GABPB1: variants seen among roughly 807,000 people sequenced by gnomAD.
The protein encoded by GABPB1 is GA binding protein transcription factor subunit beta 1, also known as GA-binding protein subunit beta-1.
A neutral mutation model predicts 45.9 loss-of-function variants in GABPB1; 15 were observed. The observed-to-expected ratio is 0.33, with a 90% confidence interval of 0.22 to 0.50. The LOEUF is 0.50. Among genes scored for constraint, GABPB1 ranks in the 20% least tolerant of loss-of-function variants. The pLI is 0.98. For missense variants in GABPB1, 252 were observed against 457.5 expected (o/e 0.55, Z 4.10); for synonymous variants, 143 against 154.4 (o/e 0.93, Z 0.55).
intron 2 of GABPB1, among the ~76,000 whole-genome samples, chr15:50,309,234 C>A (rs1045715908): frequency 1.3e-5 from 2 of 152,046 alleles, no homozygotes; most frequent in Non-Finnish European, 2.9e-5. Context: ...TTGTCAAGAT[C>A]TCATTCCCAT....
intron 1 of GABPB1, among the ~76,000 whole-genome samples, chr15:50,328,025 G>GAA (rs576183652): frequency 7.0e-6 from 1 of 141,862 alleles, no homozygotes; most frequent in African/African-American, 2.6e-5. Context: ...ATTGTAACAG[G>GAA]AAAAAAAAAA....
At chr15:50,342,635 C>T (rs2048418339) in intron 1 of GABPB1, among the ~76,000 whole-genome samples, 2 of 152,110 alleles carry the variant, frequency 1.3e-5, no homozygotes, top group Non-Finnish European at 2.9e-5. Flanking sequence ...TGGTCATGAC[C>T]TATTAACAGA....
At chr15:50,323,912 T>TA (rs949475770) in intron 1 of GABPB1, among the ~76,000 whole-genome samples, 3 of 151,928 alleles carry the variant, frequency 2.0e-5, no homozygotes, top group Non-Finnish European at 4.4e-5. Flanking sequence ...AATTTAAATT[T>TA]AAAAAAATGG....
At chr15:50,283,600 T>G (rs1171628587) in intron 8 of GABPB1, among the ~76,000 whole-genome samples, 1 of 151,670 alleles carries the variant, frequency 6.6e-6, no homozygotes, top group Non-Finnish European at 1.5e-5. Context: ...AACCTCCATC[T>G]CCCGGGTTCA....
intron 1 of GABPB1, among the ~76,000 whole-genome samples, chr15:50,336,351 C>A (rs1198973535): frequency 5.4e-5 from 7 of 129,426 alleles, no homozygotes; most frequent in East Asian, 4.2e-4. Flanking sequence ...GAGACTCTGT[C>A]CCAAAAAAAA....
Position 50,301,497 on chromosome 15 carries a change from T to C in GABPB1, c.472-129A>G, listed in dbSNP as rs1595761767. ...AATCACATAGTACAAGTGGAAATAT[T>C]TGTCTAAGGTCCACTGACAGTGTAG... On this transcript the variant is annotated intron_variant, in intron 4 of 8. Transcript: ENST00000380877. The C allele has an allele frequency of 2.3e-5, 19 of 835,256 alleles. No homozygotes were observed. The East Asian group carries it at 4.6e-4, about 20-fold the overall frequency. The allele number at this position is 835,256 out of a possible 1,614,324, so 51.7% of individuals were successfully genotyped here.
intron 1 of GABPB1, among the ~76,000 whole-genome samples, chr15:50,329,561 G>A (rs2047882166): frequency 6.6e-6 from 1 of 152,086 alleles, no homozygotes; most frequent in Non-Finnish European, 1.5e-5. Context: ...ATGCCATTTA[G>A]TATTAAGCTC....
chr15:50,350,355 T>A (rs2048773589), intron 1 of GABPB1: 1 of 146,632 alleles, frequency 6.8e-6, no homozygotes, highest in Non-Finnish European at 1.5e-5. Context: ...TAATCAACAA[T>A]ACTGCATCTA....
chr15:50,292,250 C>T (rs751331211), intron 6 of GABPB1, among the ~76,000 whole-genome samples: 3 of 136,690 alleles, frequency 2.2e-5, no homozygotes, highest in Non-Finnish European at 4.6e-5. Context: ...GGAGGCGGAG[C>T]TTGCAAGTGA....
intron 6 of GABPB1, among the ~76,000 whole-genome samples, chr15:50,294,562 A>C (rs1180914196): frequency 6.6e-6 from 1 of 152,138 alleles, no homozygotes; most frequent in Non-Finnish European, 1.5e-5. Flanking sequence ...TCATTGAAGA[A>C]AAAATAAACT....
intron 1 of GABPB1, chr15:50,351,739 C>G (rs1441235836): frequency 6.6e-6 from 1 of 151,948 alleles, no homozygotes; most frequent in Non-Finnish European, 1.5e-5. Flanking sequence ...CTGATTGCAC[C>G]AAAGCATCTT....
At chr15:50,321,291 G>A (rs2047560233) in intron 1 of GABPB1, among the ~76,000 whole-genome samples, 1 of 152,110 alleles carries the variant, frequency 6.6e-6, no homozygotes, top group African/African-American at 2.4e-5. Context: ...CACTATCAGT[G>A]TACAAGAATA....
chr15:50,337,292 A>C (rs1336292850), intron 1 of GABPB1, among the ~76,000 whole-genome samples: 1 of 150,394 alleles, frequency 6.6e-6, no homozygotes, highest in Non-Finnish European at 1.5e-5. Context: ...GACCCTTTTC[A>C]CTCTCACATA....
Position 50,312,155 on chromosome 15 carries a change from G to A in GABPB1, c.1-2357C>T, listed in dbSNP as rs759318859. ...AGGTCAGGTGTTCGAGACCAGCCCG[G>A]CCAACAGGGTGAAACCCTGTCTCTA... On this transcript the variant is annotated intron_variant, in intron 1 of 8. Transcript: ENST00000380877. 5.3e-4 allele frequency among the ~76,000 whole-genome samples: 81 copies of A among 151,982 alleles called. 1 individual carries two copies. The highest frequency in any genetic ancestry group is 2.2e-3 in the Admixed American group (33 of 15,236).
rs1166876535 is a variant in GABPB1, at chr15:50,304,138, AC to A, written c.109-6del. On this transcript the variant is annotated splice_region_variant and splice_polypyrimidine_tract_variant and intron_variant, in intron 2 of 8. Coordinates refer to ENST00000380877, the MANE Select transcript of GABPB1 (RefSeq NM_016654.5). ...ATGAAGTGGAGAAGTTCCCAGCTGT[AC>A]CACAGAAAAAAAAAAAAATCCACAT... 1 of 1,561,898 alleles carries A rather than the reference AC, an allele frequency of 6.4e-7. No individual in the cohort carries two copies. The highest frequency in any genetic ancestry group is 2.1e-5 in the Admixed American group (1 of 47,792).
intron 8 of GABPB1, 28 bp from the exon 9 acceptor site, chr15:50,278,812 T>A (rs765327956): frequency 6.4e-7 from 1 of 1,561,912 alleles, no homozygotes; most frequent in East Asian, 2.2e-5. Context: ...GTTTTTTTTT[T>A]AATTTTTGCA....
chr15:50,343,941 C>G (rs1033806937), intron 1 of GABPB1, among the ~76,000 whole-genome samples: 1 of 152,196 alleles, frequency 6.6e-6, no homozygotes. Context: ...TTATTACCTA[C>G]TTTTATTCCT....
intron 1 of GABPB1, among the ~76,000 whole-genome samples, chr15:50,317,871 C>T (rs560819801): frequency 5.3e-5 from 8 of 150,028 alleles, no homozygotes; most frequent in South Asian, 2.1e-4. Flanking sequence ...ATCGCGCCAC[C>T]GCACTCCAGC....
At position 50,302,955 on chromosome 15, in the gene GABPB1, T is replaced by A. The variant is rs2046810970; in HGVS notation, c.445A>T (p.Asn149Tyr). 1.2e-6 allele frequency: 2 copies of A among 1,612,738 alleles called. No individual in the cohort carries two copies. Among genetic ancestry groups the A allele is most frequent in the Non-Finnish European group, 1.7e-6 (2 of 1,179,324 alleles). ...TGTAATATCTCTGCTAAATCTTCATTTCCATTGTCTATTGAAATATCAAAT... is the reference window on the plus strand; with the variant it reads ...TGTAATATCTCTGCTAAATCTTCATATCCATTGTCTATTGAAATATCAAAT... Reference protein sequence around the residue: ...TAFDISIDNGNEDLAEILQIA... With the variant: ...TAFDISIDNGYEDLAEILQIA... The change falls in exon 4 of 9, where the codon AAT becomes TAT. Residue 149 changes from asparagine (N) to tyrosine (Y), a missense_variant. By Grantham distance (143) the Asn-to-Tyr change is moderately radical. Around this residue, in one of 4 missense-constraint regions of GABPB1, gnomAD observed 193 missense variants for 259.9 expected, o/e 0.74. Coordinates refer to ENST00000380877, the MANE Select transcript of GABPB1 (RefSeq NM_016654.5).
Sources: allele counts gnomAD v4.1 joint callset (sites outside exome capture counted in the v4.1 genomes callset), GRCh38; gene constraint gnomAD v4.1.1; regional missense constraint gnomAD v4.1.1; transcripts MANE v1.5; gene names NCBI Gene and HGNC (gene_info 2026-07-23, HGNC 2026-07-21).